LOC122539214: variants seen among roughly 807,000 people sequenced by gnomAD.
chr19:52,671,331 T>C, the LOC122539214 span, among the ~76,000 whole-genome samples: 1 of 152,226 alleles, frequency 6.6e-6, no homozygotes. Flanking sequence ...ACGATAAATG[T>C]TGTTGACAAC....
At chr19:52,657,431 G>A in the LOC122539214 span, among the ~76,000 whole-genome samples, 3 of 152,002 alleles carry the variant, frequency 2.0e-5, no homozygotes, top group Non-Finnish European at 2.9e-5. Flanking sequence ...TCAATATGGT[G>A]AAACTTTGTC....
At chr19:52,658,395 A>G in the LOC122539214 span, among the ~76,000 whole-genome samples, 104 of 152,220 alleles carry the variant, frequency 6.8e-4, no homozygotes, top group African/African-American at 2.3e-3. Context: ...GTGAAATTTC[A>G]TCTCTACCAA....
At chr19:52,672,466 C>T in the LOC122539214 span, among the ~76,000 whole-genome samples, 2 of 152,074 alleles carry the variant, frequency 1.3e-5, no homozygotes, top group African/African-American at 4.8e-5. Flanking sequence ...AGCATAATGT[C>T]GTCAGGCATG....
the LOC122539214 span, chr19:52,655,354 T>G: frequency 2.0e-6 from 1 of 494,570 alleles, no homozygotes; most frequent in Non-Finnish European, 3.6e-6. Flanking sequence ...AAAGTGTTCA[T>G]GAATGTTCTG....
At chr19:52,673,254 C>A in the LOC122539214 span, among the ~76,000 whole-genome samples, 1 of 152,072 alleles carries the variant, frequency 6.6e-6, no homozygotes, top group Admixed American at 6.6e-5. Flanking sequence ...TGCTTGAATC[C>A]CAGCACTTTG....
At chr19:52,655,729 T>C in the LOC122539214 span, 1 of 791,258 alleles carries the variant, frequency 1.3e-6, no homozygotes, top group Non-Finnish European at 2.2e-6. Flanking sequence ...TAGGGAGGAG[T>C]CATTACCTTC....
the LOC122539214 span, among the ~76,000 whole-genome samples, chr19:52,689,801 A>C: frequency 8.2e-4 from 125 of 152,078 alleles, no homozygotes; most frequent in African/African-American, 2.8e-3. Context: ...GAGGGTTTGG[A>C]GTAAGACGCC....
the LOC122539214 span, among the ~76,000 whole-genome samples, chr19:52,663,768 T>C: frequency 5.9e-5 from 9 of 152,210 alleles, no homozygotes; most frequent in South Asian, 2.1e-4. Context: ...TTAAAAAATA[T>C]ACATCTAATG....
the LOC122539214 span, among the ~76,000 whole-genome samples, chr19:52,672,535 C>T: frequency 5.7e-3 from 869 of 152,284 alleles, 3 homozygotes; most frequent in African/African-American, 0.02. Flanking sequence ...ATGGCTAGTG[C>T]CCAACAGTTG....
the LOC122539214 span, among the ~76,000 whole-genome samples, chr19:52,663,662 GA>G: frequency 3.9e-5 from 6 of 152,182 alleles, no homozygotes; most frequent in African/African-American, 1.4e-4. Flanking sequence ...TCAGGTACCA[GA>G]AAATGTTTCC....
the LOC122539214 span, among the ~76,000 whole-genome samples, chr19:52,682,775 T>C: frequency 6.6e-6 from 1 of 152,152 alleles, no homozygotes; most frequent in African/African-American, 2.4e-5. Flanking sequence ...GAGGCTAAAA[T>C]GGGGATCACT....
chr19:52,678,022 G>A, the LOC122539214 span, among the ~76,000 whole-genome samples: 1 of 143,078 alleles, frequency 7.0e-6, no homozygotes, highest in African/African-American at 2.6e-5. Flanking sequence ...GTGACAGAGT[G>A]AGACTGTCTC....
chr19:52,655,585 T>C, the LOC122539214 span: 2 of 1,503,060 alleles, frequency 1.3e-6, no homozygotes, highest in Non-Finnish European at 1.9e-6. Flanking sequence ...TTCCTGTAGT[T>C]CTCCAACATC....
the LOC122539214 span, chr19:52,652,187 C>G: frequency 4.5e-6 from 1 of 222,414 alleles, no homozygotes; most frequent in Non-Finnish European, 8.9e-6. Context: ...GCCTGTAATA[C>G]CAGCACTTTG....
At chr19:52,690,320 G>C in the LOC122539214 span, 1 of 152,920 alleles carries the variant, frequency 6.5e-6, no homozygotes, top group African/African-American at 2.4e-5. Context: ...TCACGGGGAT[G>C]TCTCTATTTG....
the LOC122539214 span, among the ~76,000 whole-genome samples, chr19:52,681,303 C>CAAAAAAAAAAAAAAAAAAAAA: frequency 1.1e-4 from 9 of 78,282 alleles, no homozygotes; most frequent in African/African-American, 1.8e-4. Flanking sequence ...AAAAAAAAAG[C>CAAAAAAAAAAAAAAAAAAAAA]AAACGAACAT....
chr19:52,688,329 C>A, the LOC122539214 span, among the ~76,000 whole-genome samples: 1 of 150,558 alleles, frequency 6.6e-6, no homozygotes, highest in Non-Finnish European at 1.5e-5. Flanking sequence ...CACCATCATA[C>A]CCGATTAATT....
At chr19:52,675,164 C>T in the LOC122539214 span, among the ~76,000 whole-genome samples, 1 of 152,122 alleles carries the variant, frequency 6.6e-6, no homozygotes, top group Non-Finnish European at 1.5e-5. Flanking sequence ...TACTTGAAGC[C>T]ATCTAATAGC....
chr19:52,679,202 T>A, the LOC122539214 span, among the ~76,000 whole-genome samples: 1 of 152,184 alleles, frequency 6.6e-6, no homozygotes, highest in Non-Finnish European at 1.5e-5. Flanking sequence ...CCAAATGACA[T>A]CCTCAGTAGG....
Sources: gnomAD v4.1 joint callset for allele counts (sites outside exome capture counted in the v4.1 genomes callset) on GRCh38, gnomAD v4.1.1 for gene constraint, MANE v1.5 for transcripts.